TRANK1: variants seen among roughly 807,000 people sequenced by gnomAD.
TRANK1 encodes tetratricopeptide repeat and ankyrin repeat containing 1, also known as TPR and ankyrin repeat-containing protein 1.
TRANK1 carries 198 observed loss-of-function variants against 266.0 expected under a neutral mutation model. The observed-to-expected ratio is 0.74, with a 90% CI of 0.66 to 0.84. The LOEUF is 0.84. Ranked by LOEUF, TRANK1 falls within the 40% of genes least tolerant of loss-of-function variation. The probability of loss-of-function intolerance (pLI) is 0.00; values close to 1 mark genes in which losing one functional copy is unlikely to be tolerated. For missense variants in TRANK1, 3,326 were observed against 3,634.6 expected (o/e 0.92, Z 2.18); for synonymous variants, 1,396 against 1,384.1 (o/e 1.01, Z -0.19).
chr3:36,855,282 A>G lies in TRANK1; in HGVS notation c.4440T>C (p.Asp1480=). Residue 1480 remains aspartate (D), a synonymous_variant, in exon 13 of 24, where the codon GAT becomes GAC. Coordinates refer to ENST00000645898, the MANE Select transcript of TRANK1 (RefSeq NM_001329998.2). ...TGGCATAATGGAACAGAGAGCGCAG[A>G]TCGCTGAAGCGGAAGGCCACGCCCT... ...IMKGVAFRFS[D]LRSLFHYASR... 2 of 1,614,058 alleles carry G rather than the reference A, an allele frequency of 1.2e-6. No homozygotes were observed. Among genetic ancestry groups the G allele is most frequent in the Non-Finnish European group, 1.7e-6 (2 of 1,179,894 alleles).
intron 3 of TRANK1, among the ~76,000 whole-genome samples, chr3:36,901,301 C>A (rs868178226): frequency 6.6e-5 from 10 of 152,152 alleles, no homozygotes; most frequent in African/African-American, 2.2e-4. Context: ...TCTTCTCTCC[C>A]AGGGAAGTTT....
chr3:36,917,813 A>G (rs2080147310), intron 1 of TRANK1, among the ~76,000 whole-genome samples: 1 of 152,190 alleles, frequency 6.6e-6, no homozygotes, highest in Non-Finnish European at 1.5e-5. Context: ...TTCATGCACA[A>G]AGCACAGATA....
At chr3:36,894,737 C>T (rs1235655291) in intron 5 of TRANK1, among the ~76,000 whole-genome samples, 1 of 152,220 alleles carries the variant, frequency 6.6e-6, no homozygotes, top group African/African-American at 2.4e-5. Flanking sequence ...ATTCTAAAGT[C>T]ATCCAACCTG....
chr3:36,928,476 A>C (rs958233454), intron 1 of TRANK1, among the ~76,000 whole-genome samples: 12 of 152,210 alleles, frequency 7.9e-5, no homozygotes, highest in Admixed American at 3.9e-4. Context: ...TTTTCATTAA[A>C]TTCTTCATTA....
intron 18 of TRANK1, 47 bp from the exon 19 acceptor site, chr3:36,838,763 C>T (rs768977946): frequency 4.9e-5 from 76 of 1,558,862 alleles, no homozygotes; most frequent in Non-Finnish European, 6.1e-5. Context: ...ATGGAGGTAA[C>T]AGACAGAACA....
chr3:36,906,253 G>C (rs2079965905), intron 2 of TRANK1, among the ~76,000 whole-genome samples: 1 of 152,130 alleles, frequency 6.6e-6, no homozygotes, highest in Non-Finnish European at 1.5e-5. Context: ...GGGAGGGGGA[G>C]GTGGAGCCGT....
intron 1 of TRANK1, 37 bp downstream of exon 1, chr3:36,944,750 C>T: frequency 1.3e-6 from 2 of 1,502,200 alleles, no homozygotes; most frequent in Middle Eastern, 2.1e-4. Context: ...GCCCGGAAGG[C>T]CAGAGATGCC....
chr3:36,838,347 A>G, intron 20 of TRANK1, 25 bp downstream of exon 20: 1 of 1,612,504 alleles, frequency 6.2e-7, no homozygotes, highest in Middle Eastern at 1.7e-4. Context: ...TTTTCCCTGG[A>G]GCAGCAGCGG....
At position 36,832,408 on chromosome 3, in the gene TRANK1, G is replaced by T. The variant is rs757045892; in HGVS notation, c.7175C>A (p.Pro2392His). The T allele has an allele frequency of 1.9e-6, 3 of 1,613,770 alleles. No individual in the cohort carries two copies. Among genetic ancestry groups the T allele is most frequent in the African/African-American group, 1.3e-5 (1 of 74,870 alleles). Residue 2392 changes from proline to histidine, a missense_variant, in exon 22 of 24, where the codon CCC (proline) becomes CAC (histidine). Transcript: ENST00000645898. The part of the protein sequence containing the change: ...GIEGKFGMLA[P>H]NRDDENMDKT... ...GTCCATATTTTCATCATCCCTGTTGGGTGCCAGCATGCCAAATTTCCCTTC... is the reference window on the plus strand; with the variant it reads ...GTCCATATTTTCATCATCCCTGTTGTGTGCCAGCATGCCAAATTTCCCTTC...
At chr3:36,874,988 C>T (rs1220188558) in intron 8 of TRANK1, among the ~76,000 whole-genome samples, 1 of 150,898 alleles carries the variant, frequency 6.6e-6, no homozygotes, top group Non-Finnish European at 1.5e-5. Flanking sequence ...GAGAAGGCAA[C>T]TGCACTTCTC....
At chr3:36,843,045 T>C (rs2078869304) in intron 17 of TRANK1, among the ~76,000 whole-genome samples, 1 of 152,122 alleles carries the variant, frequency 6.6e-6, no homozygotes, top group Admixed American at 6.6e-5. Context: ...GAGAGAGGCC[T>C]CAGAAGAAAC....
intron 13 of TRANK1, among the ~76,000 whole-genome samples, chr3:36,852,775 TAAA>T (rs761417309): frequency 0.24 from 28,387 of 119,192 alleles, 2,949 homozygotes; most frequent in East Asian, 0.51. Context: ...CCATCTCAAT[TAAA>T]AAAAAAAAAA....
rs371099333 is a variant in TRANK1, at chr3:36,898,821, G to A, written c.433+288C>T. 1.0e-3 allele frequency among the ~76,000 whole-genome samples: 157 copies of A among 150,086 alleles called. 8 individuals are homozygous for A. The South Asian group carries it at 0.029, about 28-fold the overall frequency. On this transcript the variant is annotated intron_variant, in intron 4 of 23. Transcript: ENST00000645898. ...AGCCAAGATCGCATCACTGCACTCC[G>A]GCCTGGTGACAGAATAAGACTCTGT...
chr3:36,832,234 C>T lies in TRANK1; in HGVS notation c.7349G>A (p.Gly2450Glu), dbSNP rs761205668. Residue 2450 changes from glycine to glutamate, a missense_variant, in exon 22 of 24, where the codon GGA becomes GAA. Gly to Glu is a moderately conservative substitution (Grantham distance 98). Transcript: ENST00000645898. ...RCKEPLIPSI[G>E]NTVALLEFQF... is the part of the protein sequence containing the mutation. ...GAACTCCAGGAGGGCTACTGTGTTT[C>T]CAATGCTGGGGATGAGTGGTTCTTT... 13 of 1,613,860 alleles carry T rather than the reference C, an allele frequency of 8.1e-6. No homozygotes were observed. Among genetic ancestry groups the T allele is most frequent in the Non-Finnish European group, 1.1e-5 (13 of 1,179,898 alleles).
chr3:36,944,644 TG>T, intron 1 of TRANK1, 142 bp downstream of exon 1: 1 of 966,382 alleles, frequency 1.0e-6, no homozygotes, highest in South Asian at 1.7e-5. Flanking sequence ...TAGATGGCTG[TG>T]GGCCCCACAG....
At position 36,885,176 on chromosome 3, in the gene TRANK1, C is replaced by G. The variant is rs6780383; in HGVS notation, c.907+4653G>C. Among the ~76,000 whole-genome samples, 1,058 of 152,178 alleles carry G rather than the reference C, an allele frequency of 7.0e-3. 13 individuals are homozygous for G. Among genetic ancestry groups the G allele is most frequent in the African/African-American group, 0.024 (985 of 41,528 alleles). ...TACAGTGGAGAAGCCCCACACATCACAAATAATCAAGGTTAACAAATAATC... is the reference window on the plus strand; with the variant it reads ...TACAGTGGAGAAGCCCCACACATCAGAAATAATCAAGGTTAACAAATAATC... On this transcript the variant is annotated intron_variant, in intron 8 of 23. Transcript: ENST00000645898.
At chr3:36,890,205 G>A (rs939314908) in intron 7 of TRANK1, among the ~76,000 whole-genome samples, 3 of 152,158 alleles carry the variant, frequency 2.0e-5, no homozygotes, top group Non-Finnish European at 2.9e-5. Flanking sequence ...CATAATCATC[G>A]TAGGTCAGGT....
At chr3:36,937,946 G>A (rs1484342190) in intron 1 of TRANK1, among the ~76,000 whole-genome samples, 1 of 152,186 alleles carries the variant, frequency 6.6e-6, no homozygotes, top group African/African-American at 2.4e-5. Context: ...AAGCCTCTAT[G>A]TAGCATTTAA....
At chr3:36,897,849 G>A (rs1480341765) in intron 4 of TRANK1, among the ~76,000 whole-genome samples, 2 of 152,204 alleles carry the variant, frequency 1.3e-5, no homozygotes, top group Non-Finnish European at 2.9e-5. Flanking sequence ...CACCATCACT[G>A]CCAAGGAGTG....
Sources: gnomAD v4.1 joint callset for allele counts (sites outside exome capture counted in the v4.1 genomes callset) on GRCh38, gnomAD v4.1.1 for gene constraint, MANE v1.5 for transcripts, NCBI Gene and HGNC (gene_info 2026-07-23, HGNC 2026-07-21) for gene names.